ABI3BP: variants seen among roughly 807,000 people sequenced by gnomAD.
ABI3BP encodes ABI family member 3 binding protein, also known as target of Nesh-SH3.
A neutral mutation model predicts 268.6 loss-of-function variants in ABI3BP; 216 were observed. The observed-to-expected ratio is 0.80, with a 90% CI of 0.72 to 0.90. ABI3BP has a LOEUF of 0.90. Among genes scored for constraint, ABI3BP ranks in the 40% least tolerant of loss-of-function variants. ABI3BP has a pLI of 0.00. For missense variants in ABI3BP, 2,090 were observed against 2,182.4 expected, an observed-to-expected ratio of 0.96 and a Z score of 0.84; for synonymous variants, 730 against 730.0, an observed-to-expected ratio of 1.00 and a Z score of 0.00.
chr3:100,891,593 G>A (rs2044687836), intron 4 of ABI3BP, among the ~76,000 whole-genome samples: 1 of 152,166 alleles, frequency 6.6e-6, no homozygotes, highest in Admixed American at 6.5e-5. Flanking sequence ...TTGAACTCGG[G>A]TAAGTCAGTG....
In ABI3BP at chr3:100,834,793, T is replaced by C; in HGVS notation, c.2192-20A>G. 2.0e-6 allele frequency: 3 copies of C among 1,534,022 alleles called. No homozygotes were observed. Among genetic ancestry groups the C allele is most frequent in the Non-Finnish European group, 2.6e-6 (3 of 1,145,128 alleles). On this transcript the variant is annotated intron_variant, in intron 28 of 67. Transcript: ENST00000471714. ...TTGGAGCTAAAGAAAGGAAACTGGTTATTGTAGTCATATGACTCCAGAAAC... is the reference window on the plus strand; with the variant it reads ...TTGGAGCTAAAGAAAGGAAACTGGTCATTGTAGTCATATGACTCCAGAAAC...
intron 51 of ABI3BP, among the ~76,000 whole-genome samples, chr3:100,800,670 G>A (rs1237999040): frequency 3.3e-5 from 5 of 152,184 alleles, no homozygotes; most frequent in Middle Eastern, 3.4e-3. Flanking sequence ...AAGTAGAGAC[G>A]GGGTTTCACC....
rs1223609369 is a variant in ABI3BP at position 100,835,587 on chromosome 3, T to C, written c.2191+14A>G. On this transcript the variant is annotated intron_variant, in intron 28 of 67. Transcript: ENST00000471714. ...CAGAAAAAACTCATACTTAAAGACATAAGAGGTCATTACCTAATGTTGTCA... is the reference window on the plus strand; with the variant it reads ...CAGAAAAAACTCATACTTAAAGACACAAGAGGTCATTACCTAATGTTGTCA... 3 of 1,528,274 alleles carry C rather than the reference T, an allele frequency of 2.0e-6. No individual in the cohort carries two copies. Among genetic ancestry groups the C allele is most frequent in the African/African-American group, 2.7e-5 (2 of 72,762 alleles). 94.7% of individuals were successfully genotyped at this position (1,528,274 alleles called of 1,614,324 possible). A position where few individuals can be genotyped will look rare whatever the true frequency, so the allele number is the denominator to read the frequency against.
intron 6 of ABI3BP, among the ~76,000 whole-genome samples, chr3:100,879,976 G>C (rs2099209756): frequency 6.6e-6 from 1 of 152,180 alleles, no homozygotes; most frequent in Non-Finnish European, 1.5e-5. Flanking sequence ...GGAAAAGTTT[G>C]TTAACCAGAC....
At chr3:100,775,752 C>T (rs72930661) in intron 59 of ABI3BP, among the ~76,000 whole-genome samples, 11 of 151,990 alleles carry the variant, frequency 7.2e-5, no homozygotes, top group Admixed American at 2.0e-4. Flanking sequence ...CATGCAACAG[C>T]CTGGTGTGTT....
At chr3:100,914,349 C>A (rs1400302700) in intron 2 of ABI3BP, 1 of 414,988 alleles carries the variant, frequency 2.4e-6, no homozygotes, top group Non-Finnish European at 4.8e-6. Flanking sequence ...AGAATTCTGG[C>A]TTATCTCAGT....
intron 1 of ABI3BP, among the ~76,000 whole-genome samples, chr3:100,974,454 A>G (rs546564722): frequency 1.3e-5 from 2 of 152,316 alleles, no homozygotes; most frequent in East Asian, 1.9e-4. Context: ...ATGCAACAAC[A>G]TGGATATATT....
At chr3:100,760,883 T>A (rs1031756354) in intron 63 of ABI3BP, among the ~76,000 whole-genome samples, 2 of 148,786 alleles carry the variant, frequency 1.3e-5, no homozygotes, top group Non-Finnish European at 3.0e-5. Flanking sequence ...GCAGAGAGGG[T>A]TTTTTTTTTA....
chr3:100,849,851 G>T (rs189750036), intron 17 of ABI3BP, among the ~76,000 whole-genome samples, 194 bp downstream of exon 17: 3 of 152,314 alleles, frequency 2.0e-5, no homozygotes, highest in Non-Finnish European at 4.4e-5. Context: ...TAGTCATCAG[G>T]ATTGTGAAAA....
chr3:100,926,237 G>T, intron 2 of ABI3BP, 65 bp downstream of exon 2: 1 of 1,521,396 alleles, frequency 6.6e-7, no homozygotes, highest in South Asian at 1.2e-5. Flanking sequence ...AAGATTTGTA[G>T]GTCATGTTAC....
chr3:100,948,616 C>T (rs926617938), intron 1 of ABI3BP, among the ~76,000 whole-genome samples: 2 of 152,186 alleles, frequency 1.3e-5, no homozygotes, highest in African/African-American at 4.8e-5. Context: ...TCCCAAATCA[C>T]TCATTTCACT....
intron 1 of ABI3BP, among the ~76,000 whole-genome samples, chr3:100,935,461 G>C (rs755188306): frequency 6.6e-6 from 1 of 152,112 alleles, no homozygotes; most frequent in African/African-American, 2.4e-5. Context: ...GGCTATGCAG[G>C]CTCTTTTTTT....
intron 62 of ABI3BP, among the ~76,000 whole-genome samples, chr3:100,766,256 G>A (rs1486422671): frequency 3.9e-5 from 6 of 152,212 alleles, no homozygotes; most frequent in Non-Finnish European, 8.8e-5. Context: ...CATAGCCTTT[G>A]ATTTTGTTAG....
At chr3:100,766,092 T>A (rs768079948) in intron 62 of ABI3BP, 143 bp from the exon 63 acceptor site, 1 of 609,214 alleles carries the variant, frequency 1.6e-6, no homozygotes, top group African/African-American at 1.8e-5. Flanking sequence ...ATCTTACACA[T>A]TGGCAATTTC....
chr3:100,807,828 A>G (rs1346663105), intron 50 of ABI3BP, among the ~76,000 whole-genome samples: 1 of 152,050 alleles, frequency 6.6e-6, no homozygotes, highest in East Asian at 1.9e-4. Context: ...AGAAGGAAGC[A>G]CATTCAGGAA....
At chr3:100,917,177 C>A (rs1338268725) in intron 2 of ABI3BP, among the ~76,000 whole-genome samples, 2 of 152,154 alleles carry the variant, frequency 1.3e-5, no homozygotes, top group Admixed American at 1.3e-4. Flanking sequence ...TGGAGCCCAT[C>A]AGGGAAGGTG....
intron 2 of ABI3BP, among the ~76,000 whole-genome samples, chr3:100,917,363 T>C (rs759155343): frequency 1.1e-4 from 17 of 152,042 alleles, no homozygotes; most frequent in Non-Finnish European, 2.5e-4. Flanking sequence ...TGAATTTCCA[T>C]GGAATGTAAA....
intron 2 of ABI3BP, among the ~76,000 whole-genome samples, chr3:100,920,505 C>A (rs1049245833): frequency 6.6e-6 from 1 of 152,034 alleles, no homozygotes; most frequent in African/African-American, 2.4e-5. Context: ...CTCACTGCAA[C>A]CTCCCCCTCC....
Position 100,752,907 on chromosome 3 carries a change from C to T in ABI3BP, c.5002G>A (p.Asp1668Asn). The change falls in exon 66 of 68, where the codon GAC becomes AAC. Residue 1668 changes from aspartate to asparagine, a missense_variant. Physicochemically the swap from Asp to Asn is conservative, Grantham distance 23 (BLOSUM62 1). Transcript: ENST00000471714. Reference sequence around the variant, plus strand: ...TTGCCCTTACACTCTGAGTAAGAGTCTGAATTAAAGGGTCTTTCAGTCCAG... The same window carrying T: ...TTGCCCTTACACTCTGAGTAAGAGTTTGAATTAAAGGGTCTTTCAGTCCAG... ...AIWTERPFNSDSYSECKGKQY... is the reference protein window; with the variant it reads ...AIWTERPFNSNSYSECKGKQY... The T allele has an allele frequency of 6.2e-7, 1 of 1,613,336 alleles. No homozygotes were observed. Among genetic ancestry groups the T allele is most frequent in the Non-Finnish European group, 8.5e-7 (1 of 1,179,612 alleles).
Sources: allele counts gnomAD v4.1 joint callset (sites outside exome capture counted in the v4.1 genomes callset), GRCh38; gene constraint gnomAD v4.1.1; transcripts MANE v1.5; gene names NCBI Gene and HGNC (gene_info 2026-07-23, HGNC 2026-07-21).